NUP153: variants seen among roughly 807,000 people sequenced by gnomAD.
The protein encoded by NUP153 is nucleoporin 153.
A neutral mutation model predicts 134.6 loss-of-function variants in NUP153; 27 were observed. That is an observed-to-expected ratio of 0.20 (90% confidence interval 0.15 to 0.28). NUP153 has a LOEUF of 0.28. Among genes scored for constraint, NUP153 ranks in the 10% least tolerant of loss-of-function variants. The pLI, the probability that NUP153 is intolerant of heterozygous loss-of-function variation, is 1.00. For missense variants in NUP153, 1,821 were observed against 1,731.3 expected, an observed-to-expected ratio of 1.05 and a Z score of -0.92; for synonymous variants, 640 against 623.5, an observed-to-expected ratio of 1.03 and a Z score of -0.40.
intron 14 of NUP153, among the ~76,000 whole-genome samples, chr6:17,643,873 A>T (rs989986977): frequency 2.0e-5 from 3 of 152,354 alleles, no homozygotes; most frequent in Admixed American, 2.0e-4. Context: ...GTAAAGCATT[A>T]GCAAATAGTG....
rs1202393568 is a variant in NUP153, at chr6:17,628,327, T to A, written c.3544+328A>T. Among the ~76,000 whole-genome samples the A allele has an allele frequency of 6.6e-6, 1 of 152,154 alleles. No individual in the cohort carries two copies. The highest frequency in any genetic ancestry group is 1.5e-5 in the Non-Finnish European group (1 of 68,020). On this transcript the variant is annotated intron_variant, in intron 18 of 21. Transcript: ENST00000262077. The surrounding 1 kb of genome is among the most constrained non-coding windows in gnomAD (Gnocchi z 5.4). ...TAGAAAATACTTCATAAGCTAAGAA[T>A]CCTTATTTTCCAGGTAGTAGATACC...
intron 5 of NUP153, among the ~76,000 whole-genome samples, chr6:17,671,823 CA>C (rs1767929520): frequency 6.6e-6 from 1 of 152,090 alleles, no homozygotes; most frequent in Non-Finnish European, 1.5e-5. Context: ...GCCTGGCCAA[CA>C]TGGTAAAACC....
chr6:17,626,635 CACT>C (rs1174618596), intron 18 of NUP153, among the ~76,000 whole-genome samples: 7 of 152,218 alleles, frequency 4.6e-5, no homozygotes, highest in Admixed American at 1.3e-4. Context: ...CTTTATCACA[CACT>C]ACATTTCCTA....
chr6:17,685,801 T>G (rs1768888691), intron 2 of NUP153, among the ~76,000 whole-genome samples: 1 of 152,062 alleles, frequency 6.6e-6, no homozygotes, highest in African/African-American at 2.4e-5. Flanking sequence ...AACTGTTTTA[T>G]GTACTTACTA....
At position 17,706,455 on chromosome 6, in the gene NUP153, TAGAG is replaced by T. The variant is rs1770510493; in HGVS notation, c.-72_-69del. The T allele has an allele frequency of 6.3e-6, 8 of 1,268,014 alleles. No individual in the cohort carries two copies. The highest frequency in any genetic ancestry group is 1.2e-5 in the South Asian group (1 of 81,004). 78.5% of individuals were successfully genotyped at this position (1,268,014 alleles called of 1,614,324 possible). A position where few individuals can be genotyped will look rare whatever the true frequency, so the allele number is the denominator to read the frequency against. On this transcript the variant is annotated 5_prime_UTR_variant, in exon 1 of 22. Coordinates refer to ENST00000262077, the MANE Select transcript of NUP153 (RefSeq NM_005124.4). The surrounding 1 kb of genome is among the most constrained non-coding windows in gnomAD (Gnocchi z 5.9). Reference sequence around the variant, plus strand: ...GCGGGAGAGGCAGAGGCGGAGGCCTTAGAGAGCCTCCCCCGCCGCCCGGCCCCGG... The same window carrying T: ...GCGGGAGAGGCAGAGGCGGAGGCCTTAGCCTCCCCCGCCGCCCGGCCCCGG...
intron 14 of NUP153, among the ~76,000 whole-genome samples, chr6:17,645,242 CAAAAAAAAAA>C (rs1010515280): frequency 1.5e-5 from 1 of 68,806 alleles, no homozygotes; most frequent in East Asian, 4.4e-4. Flanking sequence ...GACTCTGTCT[CAAAAAAAAAA>C]AAAAAAAAGA....
rs966144055 is a variant in NUP153, at chr6:17,628,255, G to T, written c.3544+400C>A. 2.6e-5 allele frequency among the ~76,000 whole-genome samples: 4 copies of T among 152,070 alleles called. No homozygotes were observed. The highest frequency in any genetic ancestry group is 6.5e-5 in the Admixed American group (1 of 15,268). The stretch of plus-strand genomic sequence containing the variant: ...TGTTTCTTAATGTTTGATGAGGACT[G>T]GTTATCTGTAACTATTTGTAAATAA... On this transcript the variant is annotated intron_variant, in intron 18 of 21. Transcript: ENST00000262077. This position sits in a 1 kb window ranked among gnomAD's most constrained non-coding sequence, Gnocchi z 5.4.
intron 11 of NUP153, among the ~76,000 whole-genome samples, chr6:17,657,371 C>T (rs991470071): frequency 6.0e-5 from 9 of 149,122 alleles, no homozygotes; most frequent in African/African-American, 1.2e-4. Context: ...GGCAAAACCC[C>T]GTCTCTACTA....
At chr6:17,636,958 T>C (rs577837916) in intron 16 of NUP153, among the ~76,000 whole-genome samples, 195 bp downstream of exon 16, 107 of 152,334 alleles carry the variant, frequency 7.0e-4, no homozygotes, top group South Asian at 1.0e-3. Context: ...ACCAGACTAG[T>C]TAACACATAA....
At chr6:17,640,465 T>C (rs1200690591) in intron 14 of NUP153, among the ~76,000 whole-genome samples, 1 of 152,246 alleles carries the variant, frequency 6.6e-6, no homozygotes, top group Non-Finnish European at 1.5e-5. Flanking sequence ...TGAGCAATTA[T>C]TTCATTTTTA....
intron 8 of NUP153, 53 bp from the exon 9 acceptor site, chr6:17,665,438 C>T: frequency 6.9e-7 from 1 of 1,446,738 alleles, no homozygotes; most frequent in Non-Finnish European, 9.5e-7. Context: ...ATCAATGATT[C>T]ATATCTAAAT....
intron 1 of NUP153, among the ~76,000 whole-genome samples, chr6:17,698,737 C>CAAAAAAAAAAAAAAAAAA (rs57961707): frequency 1.2e-5 from 1 of 80,080 alleles, no homozygotes. Context: ...GACTCTGTCT[C>CAAAAAAAAAAAAAAAAAA]AAAAAAAAAA....
Position 17,637,218 on chromosome 6 carries a change from G to A in NUP153, c.2399C>T (p.Ser800Leu), listed in dbSNP as rs1428122266. The A allele has an allele frequency of 1.2e-6, 2 of 1,614,020 alleles. No individual in the cohort carries two copies. Among genetic ancestry groups the A allele is most frequent in the South Asian group, 2.2e-5 (2 of 91,062 alleles). The change falls in exon 16 of 22, where the codon TCA (serine) becomes TTA (leucine). Residue 800 changes from serine (S) to leucine (L), a missense_variant. By Grantham distance (145) the Ser-to-Leu change is moderately radical (BLOSUM62 -2). Coordinates refer to ENST00000262077, the MANE Select transcript of NUP153 (RefSeq NM_005124.4). ...FKRPIGSWEC[S>L]VCCVSNNAED... ...TGCATTATTAGAAACACAGCATACTGAACACTCCCAAGATCCAATGGGCCT... is the reference window on the plus strand; with the variant it reads ...TGCATTATTAGAAACACAGCATACTAAACACTCCCAAGATCCAATGGGCCT...
At chr6:17,678,894 T>TTC (rs1478192427) in intron 2 of NUP153, among the ~76,000 whole-genome samples, 29 of 151,208 alleles carry the variant, frequency 1.9e-4, no homozygotes, top group Non-Finnish European at 4.1e-4. Context: ...TGCAATGAGC[T>TTC]ATGATGGCAC....
intron 21 of NUP153, 38 bp from the exon 22 acceptor site, chr6:17,616,219 T>C (rs1561846153): frequency 7.4e-7 from 1 of 1,358,850 alleles, no homozygotes; most frequent in Non-Finnish European, 1.0e-6. Flanking sequence ...GACATGATGC[T>C]CTGAGCAAAA....
chr6:17,646,192 A>T (rs370750802), intron 13 of NUP153, 38 bp from the exon 14 acceptor site: 2 of 1,102,532 alleles, frequency 1.8e-6, no homozygotes, highest in Non-Finnish European at 2.8e-6. Context: ...TTCGTTTTCA[A>T]TAAGTATCAA....
intron 1 of NUP153, among the ~76,000 whole-genome samples, chr6:17,705,729 G>A (rs1435497205): frequency 3.3e-5 from 5 of 152,048 alleles, no homozygotes; most frequent in Non-Finnish European, 7.4e-5. Flanking sequence ...CCACAGGCAG[G>A]GGAAACCGAG....
At chr6:17,691,949 C>A (rs1769302388) in intron 1 of NUP153, among the ~76,000 whole-genome samples, 1 of 152,168 alleles carries the variant, frequency 6.6e-6, no homozygotes, top group Non-Finnish European at 1.5e-5. Context: ...TACAGGCCGA[C>A]TACCACATCC....
rs763629207 is a variant in NUP153, at chr6:17,675,276, A to G, written c.676T>C (p.Ser226Pro). 1 of 1,614,136 alleles carries G rather than the reference A, an allele frequency of 6.2e-7. No homozygotes were observed. Among genetic ancestry groups the G allele is most frequent in the Admixed American group, 1.7e-5 (1 of 60,014 alleles). Residue 226 changes from serine (S) to proline (P), a missense_variant, in exon 4 of 22, where the codon TCA becomes CCA. Transcript: ENST00000262077. The surrounding 1 kb of genome is among the most constrained non-coding windows in gnomAD (Gnocchi z 4.4). ...GACAAGTTGAATGCTGGTTTTTTTGAGCTGGTGGCAGTGTGCTGTGAGAGT... is the reference window on the plus strand; with the variant it reads ...GACAAGTTGAATGCTGGTTTTTTTGGGCTGGTGGCAGTGTGCTGTGAGAGT... ...HSLSQHTATS[S>P]KKPAFNLSAF...
Sources: gnomAD v4.1 joint callset for allele counts (sites outside exome capture counted in the v4.1 genomes callset) on GRCh38, gnomAD v4.1.1 for gene constraint, Gnocchi (gnomAD v3.1) non-coding constraint, MANE v1.5 for transcripts, NCBI Gene and HGNC (gene_info 2026-07-23, HGNC 2026-07-21) for gene names.